Variants in TIMP3 observed in about 807,000 individuals in gnomAD.
The protein encoded by TIMP3 is metalloproteinase inhibitor 3.
A neutral mutation model predicts 30.0 loss-of-function variants in TIMP3; 11 were observed. The ratio of observed to expected loss-of-function variants is 0.37; its 90% CI spans 0.23 to 0.61. The LOEUF (loss-of-function observed/expected upper bound fraction) is 0.61. Among genes scored for constraint, TIMP3 ranks in the 20% least tolerant of loss-of-function variants. The probability of loss-of-function intolerance (pLI) is 0.70; values close to 1 mark genes in which losing one functional copy is unlikely to be tolerated. For missense variants in TIMP3, 181 were observed against 276.8 expected (o/e 0.65, Z 2.45); for synonymous variants, 112 against 111.3 (o/e 1.01, Z -0.04).
rs1601571784 is a variant in TIMP3, at chr22:32,862,860, G to A, written c.*3483G>A. The stretch of plus-strand genomic sequence containing the variant: ...TGGAGAGAAACCAACAAGAGATCTC[G>A]AACCCTGTCTAGAAGGAATGTATTT... On this transcript the variant is annotated 3_prime_UTR_variant, in exon 5 of 5. Transcript: ENST00000266085. 1 of 152,566 alleles carries A rather than the reference G, an allele frequency of 6.6e-6. No individual in the cohort carries two copies. The highest frequency in any genetic ancestry group is 2.1e-4 in the South Asian group (1 of 4,820). 9.5% of individuals were successfully genotyped at this position (152,566 alleles called of 1,614,324 possible). A position where few individuals can be genotyped will look rare whatever the true frequency, so the allele number is the denominator to read the frequency against.
At chr22:32,845,929 A>T (rs763659350) in intron 1 of TIMP3, among the ~76,000 whole-genome samples, 28 of 152,222 alleles carry the variant, frequency 1.8e-4, no homozygotes, top group Non-Finnish European at 3.5e-4. Context: ...CACACATTTG[A>T]ATTACAGAGG....
chr22:32,836,804 C>T (rs893579314), intron 1 of TIMP3, among the ~76,000 whole-genome samples: 1 of 152,170 alleles, frequency 6.6e-6, no homozygotes, highest in Non-Finnish European at 1.5e-5. Context: ...AAAGCCTACA[C>T]TATTTTAAAA....
At chr22:32,802,511 T>TA (rs879693641) in intron 1 of TIMP3, among the ~76,000 whole-genome samples, 3,883 of 137,702 alleles carry the variant, frequency 0.028, 58 homozygotes, top group African/African-American at 0.037. Context: ...ATTGAATAGT[T>TA]AAAAAAAAAA....
chr22:32,807,293 G>GAT (rs5845033), intron 1 of TIMP3, among the ~76,000 whole-genome samples: 13,040 of 124,702 alleles, frequency 0.1, 763 homozygotes, highest in Middle Eastern at 0.17. Flanking sequence ...TGGTTTGGAG[G>GAT]ATATATATAT....
chr22:32,822,855 A>C (rs1354631914), intron 1 of TIMP3, among the ~76,000 whole-genome samples: 1 of 152,132 alleles, frequency 6.6e-6, no homozygotes, highest in Non-Finnish European at 1.5e-5. Flanking sequence ...TTCTCTATTG[A>C]TGCCAGAATA....
intron 1 of TIMP3, among the ~76,000 whole-genome samples, chr22:32,847,192 C>T (rs1220146857): frequency 6.6e-6 from 1 of 152,186 alleles, no homozygotes; most frequent in Non-Finnish European, 1.5e-5. Context: ...GCAGACATGC[C>T]TCTGCACGGA....
In TIMP3 at chr22:32,837,649, T is replaced by C. The variant is rs1303122249; in HGVS notation, c.122-11803T>C. Among the ~76,000 whole-genome samples, 1 of 152,090 alleles carries C rather than the reference T, an allele frequency of 6.6e-6. No homozygotes were observed. Among genetic ancestry groups the C allele is most frequent in the Non-Finnish European group, 1.5e-5 (1 of 68,016 alleles). ...CCCAGGCTTGTTTCTAGGGGTTTCT[T>C]GGGGCTTCGGGGGCCTCCTGTCAAT... On this transcript the variant is annotated intron_variant, in intron 1 of 4. Transcript: ENST00000266085. This position sits in a 1 kb window ranked among gnomAD's most constrained non-coding sequence, Gnocchi z 4.1.
At chr22:32,829,397 G>A (rs936318694) in intron 1 of TIMP3, among the ~76,000 whole-genome samples, 7 of 152,218 alleles carry the variant, frequency 4.6e-5, no homozygotes, top group Non-Finnish European at 8.8e-5. Context: ...CTCCCAGTTG[G>A]CACTTCATTA....
chr22:32,807,348 A>AATATATAATATATAAAT (rs2046774652), intron 1 of TIMP3, among the ~76,000 whole-genome samples: 1 of 33,424 alleles, frequency 3.0e-5, no homozygotes, highest in Non-Finnish European at 6.7e-5. Context: ...ATAATATATA[A>AATATATAATATATAAAT]ATATATAATA....
intron 1 of TIMP3, among the ~76,000 whole-genome samples, chr22:32,808,613 T>C (rs1353911542): frequency 6.6e-6 from 1 of 152,244 alleles, no homozygotes; most frequent in African/African-American, 2.4e-5. Context: ...TGGTCTGTCC[T>C]GCTCCAGCTG....
At chr22:32,804,203 T>G (rs1297497608) in intron 1 of TIMP3, among the ~76,000 whole-genome samples, 1 of 152,240 alleles carries the variant, frequency 6.6e-6, no homozygotes, top group Admixed American at 6.5e-5. Flanking sequence ...CAAATTGTTC[T>G]GCCTGGGTTT....
At chr22:32,802,840 C>T (rs2046626688) in intron 1 of TIMP3, among the ~76,000 whole-genome samples, 1 of 152,062 alleles carries the variant, frequency 6.6e-6, no homozygotes, top group Non-Finnish European at 1.5e-5. Context: ...TTTTTTCCCC[C>T]TTGAATGTGT....
chr22:32,850,900 G>A (rs2048200576), intron 2 of TIMP3, among the ~76,000 whole-genome samples: 1 of 152,150 alleles, frequency 6.6e-6, no homozygotes, highest in South Asian at 2.1e-4. Flanking sequence ...CATCCCCAAG[G>A]CCAACCTCCA....
At chr22:32,802,353 T>C (rs1217978975) in intron 1 of TIMP3, among the ~76,000 whole-genome samples, 1 of 152,094 alleles carries the variant, frequency 6.6e-6, no homozygotes, top group African/African-American at 2.4e-5. Context: ...CTGGCCGCCT[T>C]TGCTTTCCTA....
intron 1 of TIMP3, among the ~76,000 whole-genome samples, chr22:32,810,267 G>T (rs899382642): frequency 6.6e-6 from 1 of 152,188 alleles, no homozygotes; most frequent in Non-Finnish European, 1.5e-5. Flanking sequence ...GGCCATCTGT[G>T]TGGCTAGGAT....
intron 1 of TIMP3, among the ~76,000 whole-genome samples, chr22:32,836,776 T>C (rs112792733): frequency 1.3e-5 from 2 of 152,254 alleles, no homozygotes; most frequent in African/African-American, 4.8e-5. Flanking sequence ...ATGAAGCTTG[T>C]GGAACTTAAA....
intron 2 of TIMP3, among the ~76,000 whole-genome samples, chr22:32,855,156 C>T (rs1023001775): frequency 2.0e-5 from 3 of 152,238 alleles, no homozygotes; most frequent in Non-Finnish European, 4.4e-5. Flanking sequence ...ACGCTGAGAA[C>T]TGAGGGGATA....
At position 32,802,065 on chromosome 22, in the gene TIMP3, G is replaced by C. The variant is rs534982903; in HGVS notation, c.64G>C (p.Glu22Gln). 81 of 1,577,296 alleles carry C rather than the reference G, an allele frequency of 5.1e-5. 3 individuals carry two copies. The South Asian group carries it at 9.1e-4, about 18-fold the overall frequency. ...CTGGAGCCTGGGGGACTGGGGCGCC[G>C]AGGCGTGCACATGCTCGCCCAGCCA... The part of the protein sequence containing the change: ...GSWSLGDWGA[E>Q]ACTCSPSHPQ... The change falls in exon 1 of 5, where the codon GAG becomes CAG. Residue 22 changes from glutamate (E) to glutamine (Q), a missense_variant. Glu to Gln is a conservative substitution (Grantham distance 29). Transcript: ENST00000266085.
At chr22:32,802,963 G>C (rs1462538346) in intron 1 of TIMP3, among the ~76,000 whole-genome samples, 1 of 152,160 alleles carries the variant, frequency 6.6e-6, no homozygotes, top group African/African-American at 2.4e-5. Flanking sequence ...CTTGAGTAGA[G>C]AGACCCTGTA....
Sources: gnomAD v4.1 joint callset for allele counts (sites outside exome capture counted in the v4.1 genomes callset) on GRCh38, gnomAD v4.1.1 for gene constraint, Gnocchi (gnomAD v3.1) non-coding constraint, MANE v1.5 for transcripts, NCBI Gene and HGNC (gene_info 2026-07-23, HGNC 2026-07-21) for gene names.